Variants in ASCC3 observed in about 807,000 individuals in gnomAD.
ASCC3 encodes activating signal cointegrator 1 complex subunit 3, also known as ASC-1 complex subunit P200.
In ASCC3, 158 loss-of-function variants were observed where a neutral mutation model predicts 256.3. That is an observed-to-expected ratio of 0.62 (90% confidence interval 0.54 to 0.70). ASCC3 has a LOEUF of 0.70. Ranked by LOEUF, ASCC3 falls within the 30% of genes least tolerant of loss-of-function variation. The pLI, the probability that ASCC3 is intolerant of heterozygous loss-of-function variation, is 0.00. For missense variants in ASCC3, 2,259 were observed against 2,626.0 expected (o/e 0.86, Z 3.05); for synonymous variants, 948 against 883.4 (o/e 1.07, Z -1.30).
intron 13 of ASCC3, among the ~76,000 whole-genome samples, chr6:100,693,589 T>C (rs1263970917): frequency 6.6e-6 from 1 of 152,180 alleles, no homozygotes; most frequent in African/African-American, 2.4e-5. Context: ...ACAATTAGTG[T>C]TCAAGCTGGG....
At chr6:100,647,529 C>T in intron 20 of ASCC3, 78 bp from the exon 21 acceptor site, 3 of 1,315,514 alleles carry the variant, frequency 2.3e-6, no homozygotes, top group Middle Eastern at 1.8e-4. Flanking sequence ...TATTCAAACT[C>T]AGTCTGAAAA....
intron 4 of ASCC3, among the ~76,000 whole-genome samples, chr6:100,832,040 A>C (rs1206037420): frequency 6.6e-6 from 1 of 152,170 alleles, no homozygotes; most frequent in African/African-American, 2.4e-5. Flanking sequence ...AAAAAATTTT[A>C]AAGTATTGAA....
chr6:100,642,634 C>A lies in ASCC3; in HGVS notation c.3848G>T (p.Cys1283Phe), dbSNP rs1205033709. The change falls in exon 24 of 42, where the codon TGT becomes TTT. Residue 1283 changes from cysteine to phenylalanine, a missense_variant. Transcript: ENST00000369162. ...AATTAGATGTTGAAAGTTGATAATACATACTGCCTCAGCACCCAACCATCT... is the reference window on the plus strand; with the variant it reads ...AATTAGATGTTGAAAGTTGATAATAAATACTGCCTCAGCACCCAACCATCT... ...SDRWLGAEAV[C>F]IINFQHLILP... 6.2e-7 allele frequency: 1 copy of A among 1,613,852 alleles called. No homozygotes were observed. Among genetic ancestry groups the A allele is most frequent in the Admixed American group, 1.7e-5 (1 of 59,996 alleles).
chr6:100,633,703 TAA>T (rs200692957), intron 25 of ASCC3, among the ~76,000 whole-genome samples: 1 of 141,804 alleles, frequency 7.1e-6, no homozygotes. Flanking sequence ...CCGTCACTAC[TAA>T]AAAAAAAAAA....
intron 13 of ASCC3, among the ~76,000 whole-genome samples, chr6:100,706,737 A>G (rs1778605926): frequency 6.6e-6 from 1 of 152,104 alleles, no homozygotes; most frequent in South Asian, 2.1e-4. Context: ...CTGCAAGTAG[A>G]AACCTTAAAC....
intron 36 of ASCC3, among the ~76,000 whole-genome samples, chr6:100,556,651 T>C (rs1250310542): frequency 1.3e-5 from 2 of 152,110 alleles, no homozygotes; most frequent in African/African-American, 4.8e-5. Context: ...ATGTATATAA[T>C]TGTAGACTGT....
intron 13 of ASCC3, among the ~76,000 whole-genome samples, chr6:100,702,501 A>C (rs1268997382): frequency 6.6e-6 from 1 of 152,242 alleles, no homozygotes; most frequent in East Asian, 1.9e-4. Flanking sequence ...CAGAGCTCAG[A>C]AAAGAGGTCT....
chr6:100,772,458 T>C (rs1310550092), intron 8 of ASCC3, among the ~76,000 whole-genome samples: 1 of 152,168 alleles, frequency 6.6e-6, no homozygotes, highest in Non-Finnish European at 1.5e-5. Flanking sequence ...ATTGATACAA[T>C]GGAATACTAC....
intron 37 of ASCC3, among the ~76,000 whole-genome samples, chr6:100,526,923 T>G (rs75954891): frequency 3.3e-5 from 5 of 152,182 alleles, no homozygotes; most frequent in African/African-American, 1.2e-4. Flanking sequence ...ATAAGTAAAC[T>G]ACATTTGTTT....
chr6:100,812,735 G>T (rs962136777), intron 4 of ASCC3, among the ~76,000 whole-genome samples: 1 of 152,118 alleles, frequency 6.6e-6, no homozygotes, highest in African/African-American at 2.4e-5. Flanking sequence ...TTAGAGACCA[G>T]CCTGGGCAAC....
chr6:100,768,401 T>A (rs1452027258), intron 8 of ASCC3, among the ~76,000 whole-genome samples: 1 of 152,138 alleles, frequency 6.6e-6, no homozygotes, highest in African/African-American at 2.4e-5. Context: ...AAACACTGGT[T>A]GGGATTACTG....
At chr6:100,535,237 C>T (rs1775102530) in intron 37 of ASCC3, among the ~76,000 whole-genome samples, 1 of 152,116 alleles carries the variant, frequency 6.6e-6, no homozygotes, top group Non-Finnish European at 1.5e-5. Context: ...TTTCAATCAG[C>T]CAGCAGAGCT....
intron 13 of ASCC3, among the ~76,000 whole-genome samples, chr6:100,682,825 T>C (rs1777375844): frequency 6.6e-6 from 1 of 152,124 alleles, no homozygotes; most frequent in Non-Finnish European, 1.5e-5. Flanking sequence ...CTTGAAGGAG[T>C]ACATTCTCTT....
chr6:100,716,843 C>A (rs1253687981), intron 12 of ASCC3, among the ~76,000 whole-genome samples: 1 of 151,908 alleles, frequency 6.6e-6, no homozygotes, highest in African/African-American at 2.4e-5. Flanking sequence ...GGCTGACAAG[C>A]ATGTGAAACA....
intron 4 of ASCC3, among the ~76,000 whole-genome samples, chr6:100,812,134 A>G (rs1271391392): frequency 6.6e-6 from 1 of 152,214 alleles, no homozygotes; most frequent in Non-Finnish European, 1.5e-5. Flanking sequence ...CACTAAAATA[A>G]TTTAGCAAAG....
At position 100,517,420 on chromosome 6, in the gene ASCC3, T is replaced by C. The variant is rs976813325; in HGVS notation, c.5927+571A>G. 3.2e-4 allele frequency among the ~76,000 whole-genome samples: 48 copies of C among 152,124 alleles called. 1 individual carries two copies. The highest frequency in any genetic ancestry group is 1.2e-3 in the African/African-American group (48 of 41,426). ...TGAAAGAAACATTTCCAATTAAACATTGCCAACCCTGCTTGTATTAGACAC... is the reference window on the plus strand; with the variant it reads ...TGAAAGAAACATTTCCAATTAAACACTGCCAACCCTGCTTGTATTAGACAC... On this transcript the variant is annotated intron_variant, in intron 38 of 41. Coordinates refer to ENST00000369162, the MANE Select transcript of ASCC3 (RefSeq NM_006828.4).
intron 34 of ASCC3, among the ~76,000 whole-genome samples, chr6:100,591,553 C>T (rs1342098326): frequency 6.6e-6 from 1 of 151,876 alleles, no homozygotes; most frequent in Non-Finnish European, 1.5e-5. Flanking sequence ...TTTCTAAATT[C>T]AAAACACTAG....
At chr6:100,774,184 G>A (rs775343223) in intron 8 of ASCC3, among the ~76,000 whole-genome samples, 11 of 152,064 alleles carry the variant, frequency 7.2e-5, no homozygotes, top group African/African-American at 2.7e-4. Context: ...CTGAGATAGC[G>A]TCTTGCTCTG....
At chr6:100,808,721 A>G (rs9404054) in intron 4 of ASCC3, among the ~76,000 whole-genome samples, 83,438 of 151,714 alleles carry the variant, frequency 0.55, 23,322 homozygotes, top group South Asian at 0.75. Context: ...AATATATGTA[A>G]TCATGTGTCA....
Sources: gnomAD v4.1 joint callset for allele counts (sites outside exome capture counted in the v4.1 genomes callset) on GRCh38, gnomAD v4.1.1 for gene constraint, MANE v1.5 for transcripts, NCBI Gene and HGNC (gene_info 2026-07-23, HGNC 2026-07-21) for gene names.